Variants in TBC1D17 observed in about 807,000 individuals in gnomAD.
The protein encoded by TBC1D17 is TBC1 domain family, member 17.
Under a neutral mutation model 78.8 loss-of-function variants are expected in TBC1D17, and 69 were observed. That is an observed-to-expected ratio of 0.88 (90% confidence interval 0.72 to 1.07). The LOEUF is 1.07. TBC1D17 is among the 50% of genes least tolerant of loss of function. The probability of loss-of-function intolerance (pLI) is 0.00; values close to 1 mark genes in which losing one functional copy is unlikely to be tolerated. For synonymous variants in TBC1D17, 456 were observed against 358.3 expected, an observed-to-expected ratio of 1.27 and a Z score of -3.08; for missense variants, 957 against 861.0, an observed-to-expected ratio of 1.11 and a Z score of -1.39.
At chr19:49,878,467 G>T (rs1258993303) in intron 2 of TBC1D17, 31 bp from the exon 3 acceptor site, 1 of 1,589,462 alleles carries the variant, frequency 6.3e-7, no homozygotes, top group South Asian at 1.1e-5. Flanking sequence ...TTTGGGGAGC[G>T]CCTCTAACCC....
intron 7 of TBC1D17, 62 bp from the exon 8 acceptor site, chr19:49,882,702 G>C: frequency 6.8e-7 from 1 of 1,463,804 alleles, no homozygotes; most frequent in Non-Finnish European, 9.0e-7. Context: ...TGTGGACTGA[G>C]GCTGGGTTGG....
Position 49,887,456 on chromosome 19 carries a change from GGC to G in TBC1D17, c.1445-19_1445-18del, listed in dbSNP as rs1444926367. ...TCCCAGCGCTGGGCAAGGCTGAGTG[GGC>G]TCCATGTCATCCCCCAGATTCCCAG... On this transcript the variant is annotated intron_variant, in intron 13 of 16. Coordinates refer to ENST00000221543, the MANE Select transcript of TBC1D17 (RefSeq NM_024682.3). 1.2e-6 allele frequency: 2 copies of G among 1,611,418 alleles called. No homozygotes were observed. The highest frequency in any genetic ancestry group is 1.7e-6 in the Non-Finnish European group (2 of 1,178,272).
chr19:49,885,054 C>T lies in TBC1D17; in HGVS notation c.1444+296C>T, dbSNP rs149777306. On this transcript the variant is annotated intron_variant, in intron 13 of 16. Transcript: ENST00000221543. ...GAAATAAGGACCTAGGCATTCCTGC[C>T]ACTTCTTATCCCCACCTGGCTGTGG... 3.4e-4 allele frequency: 137 copies of T among 403,828 alleles called. 1 individual carries two copies. Among genetic ancestry groups the T allele is most frequent in the African/African-American group, 2.5e-3 (126 of 49,688 alleles). The allele number at this position is 403,828 out of a possible 1,614,324, so 25.0% of individuals were successfully genotyped here. A position where few individuals can be genotyped will look rare whatever the true frequency, so the allele number is the denominator to read the frequency against.
intron 3 of TBC1D17, 55 bp from the exon 4 acceptor site, chr19:49,880,224 G>A (rs902854973): frequency 1.4e-5 from 22 of 1,598,034 alleles, no homozygotes; most frequent in Admixed American, 6.8e-5. Flanking sequence ...GGGTAGCCTC[G>A]AGGCTAAGAT....
In TBC1D17 at chr19:49,888,618, C is replaced by A. The variant is rs1254806118; in HGVS notation, c.1941C>A (p.Asp647Glu). The change falls in exon 17 of 17, where the codon GAC becomes GAA. Residue 647 changes from aspartate (D) to glutamate (E), a missense_variant. Transcript: ENST00000221543. Reference protein sequence around the residue: ...ILPEEEDEGADS With the variant: ...ILPEEEDEGAES ...CCGAGGAGGAGGACGAGGGCGCCGA[C>A]TCCTAACCCCGCCAGGCAGCCTCGT... The A allele has an allele frequency of 3.9e-6, 6 of 1,534,064 alleles. No individual in the cohort carries two copies. Among genetic ancestry groups the A allele is most frequent in the Admixed American group, 2.0e-5 (1 of 50,552 alleles).
chr19:49,882,160 TC>T lies in TBC1D17; in HGVS notation c.639+12del. The T allele has an allele frequency of 3.7e-6, 6 of 1,613,888 alleles. No individual in the cohort carries two copies. Among genetic ancestry groups the T allele is most frequent in the Non-Finnish European group, 4.2e-6 (5 of 1,179,960 alleles). Reference sequence around the variant, plus strand: ...AGCTCCAATGTGGTGTCAGTGAGTGTCCCCAGCAGGAGGCCTGGCGGGTGTG... The same window carrying T: ...AGCTCCAATGTGGTGTCAGTGAGTGTCCCAGCAGGAGGCCTGGCGGGTGTG... On this transcript the variant is annotated intron_variant, in intron 6 of 16. Coordinates refer to ENST00000221543, the MANE Select transcript of TBC1D17 (RefSeq NM_024682.3).
At chr19:49,877,993 G>A (rs2074972380) in intron 1 of TBC1D17, 150 bp from the exon 2 acceptor site, 6 of 761,484 alleles carry the variant, frequency 7.9e-6, no homozygotes, top group East Asian at 2.8e-5. Flanking sequence ...CCGAACGCGG[G>A]CTGGACCATT....
intron 15 of TBC1D17, 35 bp downstream of exon 15, chr19:49,887,869 CT>C (rs1568679219): frequency 1.3e-6 from 2 of 1,539,804 alleles, no homozygotes; most frequent in East Asian, 4.6e-5. Context: ...CCTGTCCCCC[CT>C]GAGCTGGGCG....
rs1404238931 is a variant in TBC1D17 at position 49,878,130 on chromosome 19, C to G, written c.22-13C>G. On this transcript the variant is annotated splice_polypyrimidine_tract_variant and intron_variant, in intron 1 of 16. Coordinates refer to ENST00000221543, the MANE Select transcript of TBC1D17 (RefSeq NM_024682.3). ...GCTTGGGCCCCAGCCCTCGCTGGTT[C>G]CCCCCAACTCAGGTGGTGTTTGAGA... The G allele has an allele frequency of 5.1e-6, 8 of 1,565,562 alleles. No individual in the cohort carries two copies. Among genetic ancestry groups the G allele is most frequent in the Middle Eastern group, 1.7e-4 (1 of 6,004 alleles).
At chr19:49,887,298 T>A (rs909822822) in intron 13 of TBC1D17, 178 bp from the exon 14 acceptor site, 6 of 620,818 alleles carry the variant, frequency 9.7e-6, no homozygotes, top group African/African-American at 9.2e-5. Context: ...CTCTGGAGAG[T>A]GGGAGGAAGG....
intron 14 of TBC1D17, 29 bp from the exon 15 acceptor site, chr19:49,887,685 ACCTC>A (rs1297529106): frequency 6.2e-6 from 10 of 1,608,478 alleles, no homozygotes; most frequent in South Asian, 1.1e-5. Flanking sequence ...CTGGGCTATG[ACCTC>A]CCTCCCTCCC....
rs763920456 is a variant in TBC1D17, at chr19:49,888,469, G to A, written c.1792G>A (p.Ala598Thr). The change falls in exon 17 of 17, where the codon GCA becomes ACA. Residue 598 changes from alanine (A) to threonine (T), a missense_variant. Transcript: ENST00000221543. ...VQEILGLAPP[A>T]EPHSPSPTAS... ...GGAGATCCTGGGGCTGGCCCCGCCC[G>A]CAGAGCCCCACAGCCCCTCGCCCAC... 1.9e-5 allele frequency: 30 copies of A among 1,584,164 alleles called. 1 individual carries two copies. In the African/African-American group the frequency reaches 3.0e-4, roughly 16 times the overall value.
chr19:49,887,327 C>G, intron 13 of TBC1D17, 149 bp from the exon 14 acceptor site: 1 of 723,722 alleles, frequency 1.4e-6, no homozygotes, highest in Non-Finnish European at 2.4e-6. Flanking sequence ...GGCCCGCGTT[C>G]AGGGCTGCTC....
In TBC1D17 at chr19:49,884,308, C is replaced by A. The variant is rs777889393; in HGVS notation, c.1182C>A (p.Asn394Lys). The A allele has an allele frequency of 1.2e-6, 2 of 1,614,042 alleles. No individual in the cohort carries two copies. The highest frequency in any genetic ancestry group is 1.7e-5 in the Admixed American group (1 of 60,022). ...ACAAGTTCTACGAGGGTCCCGAGAACCCGGGGCTGGGCCTGCTGAACGATA... is the reference window on the plus strand; with the variant it reads ...ACAAGTTCTACGAGGGTCCCGAGAAACCGGGGCTGGGCCTGCTGAACGATA... ...RTNKFYEGPE[N>K]PGLGLLNDIL... The change falls in exon 11 of 17, where the codon AAC (asparagine) becomes AAA (lysine). Residue 394 changes from asparagine (N) to lysine (K), a missense_variant. Asn to Lys is a moderately conservative substitution (Grantham distance 94, BLOSUM62 0). Coordinates refer to ENST00000221543, the MANE Select transcript of TBC1D17 (RefSeq NM_024682.3).
intron 15 of TBC1D17, 73 bp downstream of exon 15, chr19:49,887,907 G>C: frequency 7.8e-7 from 1 of 1,282,392 alleles, no homozygotes; most frequent in Non-Finnish European, 1.1e-6. Flanking sequence ...TACCTCCGGG[G>C]AGCAGGTGTT....
chr19:49,882,204 A>AG lies in TBC1D17; in HGVS notation c.640-34dup, dbSNP rs777868257. 15 of 1,612,864 alleles carry AG rather than the reference A, an allele frequency of 9.3e-6. No individual in the cohort carries two copies. In the African/African-American group the frequency reaches 1.9e-4, roughly 20 times the overall value. On this transcript the variant is annotated intron_variant, in intron 6 of 16. Coordinates refer to ENST00000221543, the MANE Select transcript of TBC1D17 (RefSeq NM_024682.3). ...CGGGTGTGGGCAGGGAGGGACGAGA[A>AG]GGGGCGGGCCGTGACCTCCCTTTGG...
intron 9 of TBC1D17, 89 bp from the exon 10 acceptor site, chr19:49,883,562 G>C: frequency 1.7e-6 from 2 of 1,156,610 alleles, no homozygotes; most frequent in Non-Finnish European, 2.6e-6. Context: ...GGCTCTGCAG[G>C]GCTGACCTGG....
At chr19:49,877,979 G>C in intron 1 of TBC1D17, 164 bp from the exon 2 acceptor site, 2 of 716,466 alleles carry the variant, frequency 2.8e-6, no homozygotes, top group Non-Finnish European at 4.5e-6. Context: ...ACGCACGTCA[G>C]CATCCGAACG....
chr19:49,883,632 G>A lies in TBC1D17; in HGVS notation c.1032-19G>A. 6.2e-7 allele frequency: 1 copy of A among 1,611,618 alleles called. No homozygotes were observed. Among genetic ancestry groups the A allele is most frequent in the Non-Finnish European group, 8.5e-7 (1 of 1,178,016 alleles). ...GCAGACAGTGGCGGCCTCACATCTTGTTTCCCTCTGTCACTCAGGGATGAG... is the reference window on the plus strand; with the variant it reads ...GCAGACAGTGGCGGCCTCACATCTTATTTCCCTCTGTCACTCAGGGATGAG... On this transcript the variant is annotated intron_variant, in intron 9 of 16. Coordinates refer to ENST00000221543, the MANE Select transcript of TBC1D17 (RefSeq NM_024682.3).
Sources: gnomAD v4.1 joint callset for allele counts on GRCh38, gnomAD v4.1.1 for gene constraint, MANE v1.5 for transcripts, NCBI Gene and HGNC (gene_info 2026-07-23, HGNC 2026-07-21) for gene names.